The following CCDC158 variants were observed in gnomAD, a reference collection of about 807,000 sequenced individuals.
CCDC158 encodes coiled-coil domain-containing protein 158.
Under a neutral mutation model 138.6 loss-of-function variants are expected in CCDC158, and 116 were observed. The observed-to-expected ratio is 0.84, with a 90% confidence interval of 0.72 to 0.98. The LOEUF (loss-of-function observed/expected upper bound fraction) is 0.98. Ranked by LOEUF, CCDC158 falls within the 50% of genes least tolerant of loss-of-function variation. The pLI is 0.00. For missense variants in CCDC158, 1,265 were observed against 1,306.1 expected (o/e 0.97, Z 0.48); for synonymous variants, 436 against 442.4 (o/e 0.99, Z 0.18).
At chr4:76,355,656 T>C (rs950886476) in intron 14 of CCDC158, among the ~76,000 whole-genome samples, 5 of 152,126 alleles carry the variant, frequency 3.3e-5, no homozygotes, top group Non-Finnish European at 7.3e-5. Context: ...GAAACATACA[T>C]ATAATCATGT....
intron 16 of CCDC158, 55 bp from the exon 17 acceptor site, chr4:76,351,867 TTTA>T: frequency 5.5e-6 from 6 of 1,084,750 alleles, no homozygotes; most frequent in Non-Finnish European, 8.5e-6. Flanking sequence ...GCACTTATAT[TTTA>T]TTAACCTATG....
At chr4:76,345,666 G>T in intron 18 of CCDC158, 1 of 737,410 alleles carries the variant, frequency 1.4e-6, no homozygotes, top group South Asian at 1.5e-5. Flanking sequence ...CATTACCATG[G>T]AAGATTTATT....
At position 76,344,831 on chromosome 4, in the gene CCDC158, G is replaced by A. The variant is rs1722391254; in HGVS notation, c.2664+6165C>T. 7 of 1,597,522 alleles carry A rather than the reference G, an allele frequency of 4.4e-6. No individual in the cohort carries two copies. The South Asian group carries it at 6.6e-5, about 15-fold the overall frequency. On this transcript the variant is annotated intron_variant, in intron 18 of 24. Transcript: ENST00000682701. ...GAGAGAAGATGCAGAAACCGGGAGA[G>A]GGTGAAGGGTCTATGACCAAAGAAG...
At position 76,380,573 on chromosome 4, in the gene CCDC158, G is replaced by A. The variant is rs1000453097; in HGVS notation, c.915-1169C>T. ...CAGTCATATATATTTACAAAGAGAT[G>A]GTGTGAAATTGCAACTTCTATTTAA... On this transcript the variant is annotated intron_variant, in intron 8 of 24. Transcript: ENST00000682701. Among the ~76,000 whole-genome samples the A allele has an allele frequency of 4.6e-5, 7 of 152,232 alleles. No homozygotes were observed. In the East Asian group the frequency reaches 1.2e-3, roughly 25 times the overall value.
chr4:76,368,590 C>T (rs1051037137), intron 11 of CCDC158, among the ~76,000 whole-genome samples: 1 of 152,140 alleles, frequency 6.6e-6, no homozygotes, highest in Admixed American at 6.5e-5. Context: ...CTTCCTAGCA[C>T]AGAAAGTACA....
At chr4:76,404,527 GCAAA>G (rs552453540) in intron 2 of CCDC158, among the ~76,000 whole-genome samples, 89 of 151,880 alleles carry the variant, frequency 5.9e-4, no homozygotes, top group Admixed American at 1.8e-3. Context: ...AACAAAACAA[GCAAA>G]CAAACAAACA....
chr4:76,389,109 C>T (rs1444719803), intron 4 of CCDC158, among the ~76,000 whole-genome samples: 3 of 151,966 alleles, frequency 2.0e-5, no homozygotes, highest in Non-Finnish European at 4.4e-5. Context: ...ACTAAATGAA[C>T]TAAGTAAGGT....
intron 18 of CCDC158, chr4:76,344,735 T>C (rs1722380127): frequency 6.2e-7 from 1 of 1,613,742 alleles, no homozygotes; most frequent in South Asian, 1.1e-5. Flanking sequence ...ATGACACTCT[T>C]ATTGAAACAA....
At chr4:76,336,676 C>A (rs946606711) in intron 18 of CCDC158, among the ~76,000 whole-genome samples, 1 of 152,156 alleles carries the variant, frequency 6.6e-6, no homozygotes, top group Non-Finnish European at 1.5e-5. Flanking sequence ...AAGAAACAAG[C>A]ATAACATAAC....
At chr4:76,390,412 G>C (rs766079710) in intron 4 of CCDC158, among the ~76,000 whole-genome samples, 4 of 152,072 alleles carry the variant, frequency 2.6e-5, no homozygotes, top group Non-Finnish European at 1.5e-5. Flanking sequence ...TCAAAGCATG[G>C]TAGTGGGTTA....
chr4:76,349,421 C>A (rs778516386), intron 18 of CCDC158, among the ~76,000 whole-genome samples: 5 of 152,192 alleles, frequency 3.3e-5, no homozygotes, highest in Non-Finnish European at 7.3e-5. Flanking sequence ...GTAATCTCAG[C>A]ACTTTGGGAG....
intron 4 of CCDC158, among the ~76,000 whole-genome samples, chr4:76,388,709 A>G (rs1727047128): frequency 6.6e-6 from 1 of 152,078 alleles, no homozygotes; most frequent in Non-Finnish European, 1.5e-5. Flanking sequence ...GGCAGTGCTG[A>G]CTTCAGGTCT....
chr4:76,412,480 G>T (rs1729368573), intron 1 of CCDC158, among the ~76,000 whole-genome samples: 1 of 152,148 alleles, frequency 6.6e-6, no homozygotes, highest in Admixed American at 6.5e-5. Flanking sequence ...GCCTATAGTG[G>T]CCGGGCATGG....
chr4:76,383,966 T>G, intron 6 of CCDC158, 122 bp downstream of exon 6: 1 of 809,588 alleles, frequency 1.2e-6, no homozygotes, highest in Middle Eastern at 3.6e-4. Flanking sequence ...GGAAGTAACT[T>G]CTGTTATTTC....
At chr4:76,386,791 A>C (rs1193472225) in intron 4 of CCDC158, among the ~76,000 whole-genome samples, 2 of 152,194 alleles carry the variant, frequency 1.3e-5, no homozygotes, top group African/African-American at 2.4e-5. Flanking sequence ...AGAGCACAGC[A>C]ACTGGGGGGT....
Position 76,313,070 on chromosome 4 carries a change from A to C in CCDC158, c.*100T>G. ...TTACAAGACAGGGTATCTTTTATTA[A>C]ATTTTCACATAAAAAGAAAAAGTAC... On this transcript the variant is annotated 3_prime_UTR_variant, in exon 25 of 25. Coordinates refer to ENST00000682701, the MANE Select transcript of CCDC158 (RefSeq NM_001394954.1). 1 of 662,316 alleles carries C rather than the reference A, an allele frequency of 1.5e-6. No homozygotes were observed. The highest frequency in any genetic ancestry group is 3.5e-5 in the Admixed American group (1 of 28,806). The allele number at this position is 662,316 out of a possible 1,614,324, so 41.0% of individuals were successfully genotyped here.
At chr4:76,353,686 G>A (rs1371715152) in intron 15 of CCDC158, among the ~76,000 whole-genome samples, 1 of 152,082 alleles carries the variant, frequency 6.6e-6, no homozygotes, top group Admixed American at 6.6e-5. Context: ...TTGTTTCAAG[G>A]TTGAATATTC....
At position 76,334,054 on chromosome 4, in the gene CCDC158, T is replaced by C; in HGVS notation, c.2778A>G (p.Thr926=). 2 of 1,613,620 alleles carry C rather than the reference T, an allele frequency of 1.2e-6. No homozygotes were observed. The highest frequency in any genetic ancestry group is 8.5e-7 in the Non-Finnish European group (1 of 1,179,612). The change falls in exon 19 of 25, where the codon ACA becomes ACG. Residue 926 remains threonine, a synonymous_variant. Coordinates refer to ENST00000682701, the MANE Select transcript of CCDC158 (RefSeq NM_001394954.1). ...NEEPAVSLSK[T]EEDGRTSLGA... ...CCAGAGATGTTCTTCCATCTTCCTC[T>C]GTCTTGCTCAGAGACACAGCTGGCT...
At chr4:76,402,391 C>G (rs1728474763) in intron 3 of CCDC158, among the ~76,000 whole-genome samples, 1 of 152,196 alleles carries the variant, frequency 6.6e-6, no homozygotes, top group Non-Finnish European at 1.5e-5. Flanking sequence ...AGATGAGGAT[C>G]TGGTAGTTGG....
Sources: allele counts gnomAD v4.1 joint callset (sites outside exome capture counted in the v4.1 genomes callset), GRCh38; gene constraint gnomAD v4.1.1; transcripts MANE v1.5; gene names NCBI Gene and HGNC (gene_info 2026-07-23, HGNC 2026-07-21).